The following CCDC85A variants were observed in gnomAD, a reference collection of about 807,000 sequenced individuals.
The protein encoded by CCDC85A is coiled-coil domain containing 85A.
CCDC85A carries 38 observed loss-of-function variants against 50.2 expected under a neutral mutation model. The observed-to-expected ratio is 0.76, with a 90% CI of 0.58 to 0.99. The LOEUF (loss-of-function observed/expected upper bound fraction) is 0.99, where lower values mean the gene tolerates loss of function less well. Ranked by LOEUF, CCDC85A falls within the 50% of genes least tolerant of loss-of-function variation. The probability of loss-of-function intolerance (pLI) is 0.00; values close to 1 mark genes in which losing one functional copy is unlikely to be tolerated. For missense variants in CCDC85A, 820 were observed against 742.0 expected (o/e 1.11, Z -1.22); for synonymous variants, 366 against 301.4 (o/e 1.21, Z -2.22).
chr2:56,232,285 G>A (rs1438486616), intron 2 of CCDC85A, among the ~76,000 whole-genome samples: 1 of 152,026 alleles, frequency 6.6e-6, no homozygotes, highest in East Asian at 1.9e-4. Flanking sequence ...CTTCCCCTTA[G>A]CTATTTCCCC....
chr2:56,199,656 G>T (rs1167512960), intron 2 of CCDC85A, among the ~76,000 whole-genome samples: 1 of 152,026 alleles, frequency 6.6e-6, no homozygotes, highest in Non-Finnish European at 1.5e-5. Context: ...ACCTCAGCAG[G>T]CCTGACTTTA....
intron 2 of CCDC85A, among the ~76,000 whole-genome samples, chr2:56,194,595 A>C (rs1230521609): frequency 6.6e-6 from 1 of 152,186 alleles, no homozygotes; most frequent in Admixed American, 6.5e-5. Context: ...TTGGGGATTT[A>C]CCTGTTGGAT....
Position 56,252,784 on chromosome 2 carries a change from A to G in CCDC85A, c.1240+59344A>G, listed in dbSNP as rs369335370. Among the ~76,000 whole-genome samples, 7 of 152,178 alleles carry G rather than the reference A, an allele frequency of 4.6e-5. No individual in the cohort carries two copies. In the East Asian group the frequency reaches 9.7e-4, roughly 21 times the overall value. On this transcript the variant is annotated intron_variant, in intron 2 of 5. Transcript: ENST00000407595. ...TGCTCAACTCCCACCTATGAGTGAGAACATGTGGTGTTTGGTTTTCTGTTC... is the reference window on the plus strand; with the variant it reads ...TGCTCAACTCCCACCTATGAGTGAGGACATGTGGTGTTTGGTTTTCTGTTC...
Position 56,184,602 on chromosome 2 carries a change from G to A in CCDC85A, c.-23G>A, listed in dbSNP as rs984418499. 222 of 1,409,588 alleles carry A rather than the reference G, an allele frequency of 1.6e-4. No homozygotes were observed. The highest frequency in any genetic ancestry group is 2.0e-4 in the Non-Finnish European group (216 of 1,096,910). The allele number at this position is 1,409,588 out of a possible 1,614,324, so 87.3% of individuals were successfully genotyped here. On this transcript the variant is annotated 5_prime_UTR_variant, in exon 1 of 6. Coordinates refer to ENST00000407595, the MANE Select transcript of CCDC85A (RefSeq NM_001080433.2). ...GTCGCCTCGCCTCTTCCACCCACTTGCACCTGCCACCCCGCGGATACCATG... is the reference window on the plus strand; with the variant it reads ...GTCGCCTCGCCTCTTCCACCCACTTACACCTGCCACCCCGCGGATACCATG...
intron 2 of CCDC85A, among the ~76,000 whole-genome samples, chr2:56,282,753 T>G (rs1283799250): frequency 2.0e-5 from 3 of 152,176 alleles, no homozygotes; most frequent in African/African-American, 7.2e-5. Context: ...CATGTGATCC[T>G]CTCGCCTCGG....
chr2:56,198,103 G>T (rs751033957), intron 2 of CCDC85A, among the ~76,000 whole-genome samples: 9 of 152,220 alleles, frequency 5.9e-5, no homozygotes, highest in Admixed American at 1.3e-4. Context: ...AACGAAAAAT[G>T]TTGATAACAC....
At chr2:56,263,966 A>G (rs1280920466) in intron 2 of CCDC85A, among the ~76,000 whole-genome samples, 2 of 152,198 alleles carry the variant, frequency 1.3e-5, no homozygotes, top group Non-Finnish European at 2.9e-5. Context: ...GTCTTGGGCC[A>G]CACTTAAAAT....
At chr2:56,380,121 A>G (rs1372246887) in intron 5 of CCDC85A, among the ~76,000 whole-genome samples, 1 of 152,172 alleles carries the variant, frequency 6.6e-6, no homozygotes, top group African/African-American at 2.4e-5. Flanking sequence ...ACTGTCTAAA[A>G]TATGTTTCTA....
At chr2:56,249,443 T>G (rs1208999901) in intron 2 of CCDC85A, among the ~76,000 whole-genome samples, 1 of 151,902 alleles carries the variant, frequency 6.6e-6, no homozygotes, top group Non-Finnish European at 1.5e-5. Flanking sequence ...GAGGGTAGAG[T>G]GAATCTGAAG....
chr2:56,375,403 C>G (rs1446302119), intron 4 of CCDC85A, among the ~76,000 whole-genome samples: 1 of 152,160 alleles, frequency 6.6e-6, no homozygotes, highest in Non-Finnish European at 1.5e-5. Flanking sequence ...CACAGTTTCT[C>G]CAACACAAGA....
At chr2:56,205,482 T>C (rs1217773599) in intron 2 of CCDC85A, among the ~76,000 whole-genome samples, 1 of 152,134 alleles carries the variant, frequency 6.6e-6, no homozygotes, top group East Asian at 1.9e-4. Context: ...CCTTGACTAA[T>C]TAGGAAGCCA....
chr2:56,233,678 G>C (rs1219649802), intron 2 of CCDC85A, among the ~76,000 whole-genome samples: 1 of 152,194 alleles, frequency 6.6e-6, no homozygotes, highest in Non-Finnish European at 1.5e-5. Flanking sequence ...TTTAGCCCAA[G>C]GGCTGTTGTT....
At chr2:56,242,550 G>A (rs1317838134) in intron 2 of CCDC85A, among the ~76,000 whole-genome samples, 3 of 152,082 alleles carry the variant, frequency 2.0e-5, no homozygotes, top group Non-Finnish European at 4.4e-5. Context: ...TAAGGGAATG[G>A]CCTAAGCAAT....
intron 2 of CCDC85A, among the ~76,000 whole-genome samples, chr2:56,275,211 A>G (rs1387368536): frequency 1.3e-5 from 2 of 152,120 alleles, no homozygotes; most frequent in African/African-American, 4.8e-5. Context: ...CTCAGTCTTT[A>G]TATTAGGCCT....
intron 2 of CCDC85A, among the ~76,000 whole-genome samples, chr2:56,228,571 C>T (rs894705308): frequency 6.6e-6 from 1 of 151,256 alleles, no homozygotes; most frequent in South Asian, 2.1e-4. Flanking sequence ...TTCGCTCTGT[C>T]CCCCAGGCTG....
chr2:56,241,091 C>G, intron 2 of CCDC85A, among the ~76,000 whole-genome samples: 1 of 152,092 alleles, frequency 6.6e-6, no homozygotes, highest in East Asian at 1.9e-4. Context: ...TTGAATTTCT[C>G]TAATAACTAA....
intron 2 of CCDC85A, among the ~76,000 whole-genome samples, chr2:56,298,778 T>C (rs73940646): frequency 0.013 from 1,934 of 152,284 alleles, 37 homozygotes; most frequent in African/African-American, 0.043. Context: ...GTTAACTAAA[T>C]AGAATGTATT....
At chr2:56,301,921 C>A (rs531039169) in intron 2 of CCDC85A, among the ~76,000 whole-genome samples, 1 of 152,126 alleles carries the variant, frequency 6.6e-6, no homozygotes, top group African/African-American at 2.4e-5. Flanking sequence ...CAAACCTGCA[C>A]ATTCTGCACA....
intron 2 of CCDC85A, among the ~76,000 whole-genome samples, chr2:56,206,692 T>G (rs1036422410): frequency 6.6e-6 from 1 of 152,174 alleles, no homozygotes. Flanking sequence ...CCAACACTGC[T>G]GCATTGAGGA....
Sources: gnomAD v4.1 joint callset for allele counts (sites outside exome capture counted in the v4.1 genomes callset) on GRCh38, gnomAD v4.1.1 for gene constraint, MANE v1.5 for transcripts, NCBI Gene and HGNC (gene_info 2026-07-23, HGNC 2026-07-21) for gene names.